The following USP3 variants were observed in gnomAD, a reference collection of about 807,000 sequenced individuals.
USP3 encodes ubiquitin specific peptidase 3, also known as ubiquitin carboxyl-terminal hydrolase 3.
A neutral mutation model predicts 72.3 loss-of-function variants in USP3; 20 were observed. The observed-to-expected ratio is 0.28, with a 90% CI of 0.19 to 0.40. The LOEUF (loss-of-function observed/expected upper bound fraction) is 0.40. Ranked by LOEUF, USP3 falls within the 10% of genes least tolerant of loss-of-function variation. USP3 has a pLI of 1.00. For synonymous variants in USP3, 222 were observed against 225.3 expected, an observed-to-expected ratio of 0.99 and a Z score of 0.13; for missense variants, 479 against 633.9, an observed-to-expected ratio of 0.76 and a Z score of 2.62.
chr15:63,506,143 G>A (rs1341218641), intron 1 of USP3, among the ~76,000 whole-genome samples: 1 of 152,150 alleles, frequency 6.6e-6, no homozygotes, highest in African/African-American at 2.4e-5. Context: ...GAAAATTAAC[G>A]GTTAATTGGT....
chr15:63,562,531 G>T (rs1303750645), intron 7 of USP3, among the ~76,000 whole-genome samples: 1 of 152,176 alleles, frequency 6.6e-6, no homozygotes, highest in African/African-American at 2.4e-5. Context: ...AAGGCAGGAG[G>T]GGGAGAAAGA....
intron 11 of USP3, among the ~76,000 whole-genome samples, chr15:63,579,545 A>G (rs2066918900): frequency 6.6e-6 from 1 of 152,230 alleles, no homozygotes; most frequent in Non-Finnish European, 1.5e-5. Context: ...CCTGCCTCAT[A>G]TCCTTTCCCT....
chr15:63,520,194 C>T (rs1248566451), intron 1 of USP3, among the ~76,000 whole-genome samples: 1 of 152,044 alleles, frequency 6.6e-6, no homozygotes, highest in African/African-American at 2.4e-5. Context: ...TGTTTATCAC[C>T]ATGATTTTAT....
rs541854220 is a variant in USP3 at position 63,528,606 on chromosome 15, C to A, written c.92-4041C>A. Among the ~76,000 whole-genome samples, 11 of 152,210 alleles carry A rather than the reference C, an allele frequency of 7.2e-5. No individual in the cohort carries two copies. In the South Asian group the frequency reaches 2.3e-3, roughly 32 times the overall value. On this transcript the variant is annotated intron_variant, in intron 1 of 14. Coordinates refer to ENST00000380324, the MANE Select transcript of USP3 (RefSeq NM_006537.4). This position sits in a 1 kb window ranked among gnomAD's most constrained non-coding sequence, Gnocchi z 4.3. Reference sequence around the variant, plus strand: ...AGTATGTGTGTGTATATGAGTATTTCAGCTATATTATGTTTCATTTAGGGC... The same window carrying A: ...AGTATGTGTGTGTATATGAGTATTTAAGCTATATTATGTTTCATTTAGGGC...
chr15:63,519,138 A>C (rs1283323657), intron 1 of USP3, among the ~76,000 whole-genome samples: 1 of 152,180 alleles, frequency 6.6e-6, no homozygotes, highest in Non-Finnish European at 1.5e-5. Flanking sequence ...GCTGTTACCT[A>C]ATGCACATTC....
At chr15:63,530,633 T>C (rs1357646255) in intron 1 of USP3, 1 of 428,792 alleles carries the variant, frequency 2.3e-6, no homozygotes, top group East Asian at 8.6e-5. Flanking sequence ...TAATATTTAC[T>C]AAGAGAAAAA....
chr15:63,581,676 T>C (rs1050958004), intron 11 of USP3, among the ~76,000 whole-genome samples: 1 of 150,456 alleles, frequency 6.6e-6, no homozygotes, highest in Non-Finnish European at 1.5e-5. Context: ...ATTACAGGTG[T>C]GAGCCACTGT....
intron 11 of USP3, among the ~76,000 whole-genome samples, chr15:63,575,378 G>A (rs770883168): frequency 1.8e-4 from 28 of 152,196 alleles, no homozygotes; most frequent in South Asian, 1.0e-3. Flanking sequence ...TAAAACTTTT[G>A]TTGGAGAAGG....
At chr15:63,504,916 C>G (rs1005880124) in intron 1 of USP3, 86 bp downstream of exon 1, 1 of 1,103,716 alleles carries the variant, frequency 9.1e-7, no homozygotes, top group African/African-American at 1.7e-5. Flanking sequence ...AGGCGGCCGG[C>G]GCGCGGACTC....
chr15:63,559,793 A>G, intron 6 of USP3, 64 bp from the exon 7 acceptor site: 1 of 1,423,038 alleles, frequency 7.0e-7, no homozygotes, highest in Admixed American at 2.2e-5. Flanking sequence ...TGTAGGCTTC[A>G]TCAACTTTCT....
At position 63,590,682 on chromosome 15, in the gene USP3, A is replaced by G; in HGVS notation, c.1419A>G (p.Thr473=). ...ACAGGGTTGGTTCTGGACATTACACAGCATACGCAACTCACGAAGGCCGCT... is the reference window on the plus strand; with the variant it reads ...ACAGGGTTGGTTCTGGACATTACACGGCATACGCAACTCACGAAGGCCGCT... ...HGSGVGSGHY[T]AYATHEGRWF... Residue 473 remains threonine, a synonymous_variant, in exon 15 of 15, where the codon ACA becomes ACG. Coordinates refer to ENST00000380324, the MANE Select transcript of USP3 (RefSeq NM_006537.4). The G allele has an allele frequency of 3.1e-6, 5 of 1,611,384 alleles. No homozygotes were observed. The highest frequency in any genetic ancestry group is 4.2e-6 in the Non-Finnish European group (5 of 1,178,896).
At chr15:63,563,504 A>G (rs566896779) in intron 8 of USP3, among the ~76,000 whole-genome samples, 197 of 152,326 alleles carry the variant, frequency 1.3e-3, no homozygotes, top group African/African-American at 4.6e-3. Context: ...CGGTGTGGCC[A>G]GAGAGCTGCT....
At chr15:63,586,169 C>G (rs1038912556) in intron 11 of USP3, among the ~76,000 whole-genome samples, 4 of 152,206 alleles carry the variant, frequency 2.6e-5, no homozygotes, top group Admixed American at 6.5e-5. Flanking sequence ...ATTTTGGATG[C>G]TTTTTTCTTG....
In USP3 at chr15:63,588,960, C is replaced by T. The variant is rs142151239; in HGVS notation, c.1346C>T (p.Pro449Leu). 20 of 1,613,942 alleles carry T rather than the reference C, an allele frequency of 1.2e-5. 1 individual carries two copies. The highest frequency in any genetic ancestry group is 9.9e-5 in the South Asian group (9 of 91,068). ...CYLLEPENSG[P>L]ESCLYDLAAV... Reference sequence around the variant, plus strand: ...GTTCTGTAGCCTGAGAACAGTGGCCCGGAGAGCTGCCTGTATGACCTCGCC... The same window carrying T: ...GTTCTGTAGCCTGAGAACAGTGGCCTGGAGAGCTGCCTGTATGACCTCGCC... Residue 449 changes from proline to leucine, a missense_variant, in exon 14 of 15, where the codon CCG becomes CTG. By Grantham distance (98) the Pro-to-Leu change is moderately conservative. Coordinates refer to ENST00000380324, the MANE Select transcript of USP3 (RefSeq NM_006537.4). This position sits in a 1 kb window ranked among gnomAD's most constrained non-coding sequence, Gnocchi z 4.6.
intron 5 of USP3, among the ~76,000 whole-genome samples, chr15:63,557,346 T>C (rs2066529957): frequency 1.3e-5 from 2 of 151,858 alleles, no homozygotes; most frequent in African/African-American, 2.4e-5. Context: ...CATTGCAACC[T>C]CAGCCTCCTG....
At chr15:63,569,234 A>G (rs188527282) in intron 8 of USP3, among the ~76,000 whole-genome samples, 1 of 152,314 alleles carries the variant, frequency 6.6e-6, no homozygotes, top group East Asian at 1.9e-4. Flanking sequence ...ATACAAAGGA[A>G]CTACCAACTT....
rs2066373078 is a variant in USP3, at chr15:63,547,886, G to GAGAGAGAGAGAGAGGC, written c.285-5819_285-5818insAGAGGCAGAGAGAGAG. Among the ~76,000 whole-genome samples the GAGAGAGAGAGAGAGGC allele has an allele frequency of 3.9e-4, 22 of 55,866 alleles. 2 individuals carry two copies. The highest frequency in any genetic ancestry group is 5.4e-4 in the Non-Finnish European group (12 of 22,258). 36.7% of individuals were successfully genotyped at this position (55,866 alleles called of 152,430 possible). On this transcript the variant is annotated intron_variant, in intron 3 of 14. Transcript: ENST00000380324. ...AGGCATAGAGAGAGAGAGAGAGAGA[G>GAGAGAGAGAGAGAGGC]AGAGAGAGAGGCATAGAGAGAGGCA...
chr15:63,532,802 C>A, intron 2 of USP3, 95 bp downstream of exon 2: 1 of 1,294,088 alleles, frequency 7.7e-7, no homozygotes, highest in Non-Finnish European at 1.1e-6. Flanking sequence ...GATTTAGTAC[C>A]ATTGTTAATC....
chr15:63,578,551 G>A (rs1451606414), intron 11 of USP3, among the ~76,000 whole-genome samples: 1 of 150,286 alleles, frequency 6.7e-6, no homozygotes, highest in Non-Finnish European at 1.5e-5. Flanking sequence ...GGCAGAGCTT[G>A]CAGTGAGCCG....
Sources: allele counts gnomAD v4.1 joint callset (sites outside exome capture counted in the v4.1 genomes callset), GRCh38; gene constraint gnomAD v4.1.1; non-coding constraint Gnocchi (gnomAD v3.1); transcripts MANE v1.5; gene names NCBI Gene and HGNC (gene_info 2026-07-23, HGNC 2026-07-21).